PCDHA8: variants seen among roughly 807,000 people sequenced by gnomAD.
PCDHA8 encodes the protein protocadherin alpha 8.
Under a neutral mutation model 61.8 loss-of-function variants are expected in PCDHA8, and 53 were observed. That is an observed-to-expected ratio of 0.86 (90% CI 0.69 to 1.08). The LOEUF is 1.08. PCDHA8 is among the 50% of genes least tolerant of loss of function. The pLI, the probability that PCDHA8 is intolerant of heterozygous loss-of-function variation, is 0.00. For synonymous variants in PCDHA8, 618 were observed against 556.6 expected, an observed-to-expected ratio of 1.11 and a Z score of -1.55; for missense variants, 1,293 against 1,245.0, an observed-to-expected ratio of 1.04 and a Z score of -0.58.
In PCDHA8 at chr5:140,848,069, G is replaced by A. The variant is rs116084528; in HGVS notation, c.2394+4354G>A. 759 of 162,530 alleles carry A rather than the reference G, an allele frequency of 4.7e-3. 42 individuals are homozygous for A. The highest frequency in any genetic ancestry group is 0.017 in the African/African-American group (710 of 41,160). 10.1% of individuals were successfully genotyped at this position (162,530 alleles called of 1,614,324 possible). A position where few individuals can be genotyped will look rare whatever the true frequency, so the allele number is the denominator to read the frequency against. ...TTTTAATTGTTACTTCATTTCTGTC[G>A]TTATTTAAAACTTAAGTGGAGAGTT... On this transcript the variant is annotated intron_variant, in intron 1 of 3. Transcript: ENST00000531613.
chr5:140,942,733 T>C (rs1344147840), intron 1 of PCDHA8, among the ~76,000 whole-genome samples: 1 of 152,184 alleles, frequency 6.6e-6, no homozygotes, highest in Non-Finnish European at 1.5e-5. Context: ...TTGAAAAATA[T>C]TTTAAAATCT....
At chr5:140,902,560 G>A (rs558432897) in intron 1 of PCDHA8, among the ~76,000 whole-genome samples, 1 of 151,954 alleles carries the variant, frequency 6.6e-6, no homozygotes, top group African/African-American at 2.4e-5. Flanking sequence ...CCAGATTTTT[G>A]AGGGTTTTTA....
intron 1 of PCDHA8, chr5:140,969,137 T>A (rs1326685727): frequency 6.2e-7 from 1 of 1,614,036 alleles, no homozygotes. Flanking sequence ...CACCAAGACC[T>A]ACTGCTACAA....
chr5:140,882,777 A>G (rs2059309071), intron 1 of PCDHA8: 1 of 1,614,096 alleles, frequency 6.2e-7, no homozygotes, highest in Non-Finnish European at 8.5e-7. Context: ...GCATTGACCT[A>G]CCGACTGGAT....
At chr5:140,892,896 C>T (rs1489868294) in intron 1 of PCDHA8, among the ~76,000 whole-genome samples, 1 of 152,112 alleles carries the variant, frequency 6.6e-6, no homozygotes, top group Non-Finnish European at 1.5e-5. Flanking sequence ...CCAACCTTTC[C>T]CCATCCTCCT....
chr5:140,923,719 G>A (rs906860011), intron 1 of PCDHA8, among the ~76,000 whole-genome samples: 5 of 152,182 alleles, frequency 3.3e-5, no homozygotes, highest in African/African-American at 1.2e-4. Context: ...GAATAAGAAT[G>A]CAATGTTATG....
chr5:140,919,660 T>C (rs561238136), intron 1 of PCDHA8, among the ~76,000 whole-genome samples: 1 of 152,360 alleles, frequency 6.6e-6, no homozygotes, highest in African/African-American at 2.4e-5. Flanking sequence ...TTACCATATA[T>C]ATTTTAGCTT....
Position 141,011,113 on chromosome 5 carries a change from GAAAC to G in PCDHA8, c.*1179_*1182del, listed in dbSNP as rs1378492452. 6.5e-6 allele frequency: 1 copy of G among 153,504 alleles called. No homozygotes were observed. The highest frequency in any genetic ancestry group is 2.4e-5 in the African/African-American group (1 of 41,342). 9.5% of individuals were successfully genotyped at this position (153,504 alleles called of 1,614,324 possible). A position where few individuals can be genotyped will look rare whatever the true frequency, so the allele number is the denominator to read the frequency against. ...TTCTCTCTCTCTCTCTCTTTTCTAA[GAAAC>G]AATTATGTGCACTTTGATACACAAC... On this transcript the variant is annotated 3_prime_UTR_variant, in exon 4 of 4. Coordinates refer to ENST00000531613, the MANE Select transcript of PCDHA8 (RefSeq NM_018911.3).
Position 140,978,942 on chromosome 5 carries a change from T to C in PCDHA8, c.2395-7T>C, listed in dbSNP as rs781997267. 5 of 1,614,058 alleles carry C rather than the reference T, an allele frequency of 3.1e-6. No individual in the cohort carries two copies. The African/African-American group carries it at 6.7e-5, about 22-fold the overall frequency. ...TTTAACAGAAAACTCTCTTTGTGAT[T>C]TTGCAGCCACGACAGCCCAACCCTG... is the stretch of plus-strand genomic sequence containing the variant. On this transcript the variant is annotated splice_region_variant and splice_polypyrimidine_tract_variant and intron_variant, in intron 1 of 3. Coordinates refer to ENST00000531613, the MANE Select transcript of PCDHA8 (RefSeq NM_018911.3).
At chr5:140,918,584 A>G (rs1296882763) in intron 1 of PCDHA8, among the ~76,000 whole-genome samples, 1 of 152,212 alleles carries the variant, frequency 6.6e-6, no homozygotes, top group Non-Finnish European at 1.5e-5. Context: ...TATTGGCTAT[A>G]TGTTCTATAG....
intron 1 of PCDHA8, chr5:140,854,514 T>G (rs1216926538): frequency 1.3e-5 from 2 of 149,996 alleles, no homozygotes; most frequent in Non-Finnish European, 3.0e-5. Flanking sequence ...AACTGATGGA[T>G]TAAGTGACAC....
intron 1 of PCDHA8, among the ~76,000 whole-genome samples, chr5:140,913,117 G>T (rs1055437222): frequency 1.3e-5 from 2 of 152,144 alleles, no homozygotes; most frequent in Non-Finnish European, 2.9e-5. Flanking sequence ...CAGTTTGGAA[G>T]TTAACCCCTC....
chr5:141,000,615 A>G (rs2097951954), intron 3 of PCDHA8, among the ~76,000 whole-genome samples: 1 of 150,870 alleles, frequency 6.6e-6, no homozygotes, highest in South Asian at 2.1e-4. Context: ...TTTAGTAGAG[A>G]CAGGGTTTCA....
At chr5:140,929,051 G>A (rs1398009156) in intron 1 of PCDHA8, 2 of 1,614,170 alleles carry the variant, frequency 1.2e-6, no homozygotes, top group South Asian at 1.1e-5. Flanking sequence ...AGCTGCTGTC[G>A]CTCTACAGAG....
At chr5:140,882,960 C>G in intron 1 of PCDHA8, 11 of 1,614,166 alleles carry the variant, frequency 6.8e-6, no homozygotes, top group Non-Finnish European at 5.9e-6. Flanking sequence ...CTGCTCATCA[C>G]GATTCTGGAC....
intron 1 of PCDHA8, among the ~76,000 whole-genome samples, chr5:140,897,618 T>C: frequency 6.6e-6 from 1 of 152,172 alleles, no homozygotes; most frequent in Non-Finnish European, 1.5e-5. Flanking sequence ...TTCCAAGTCT[T>C]TACTATTGTG....
intron 1 of PCDHA8, chr5:140,869,076 C>G (rs367613564): frequency 6.3e-7 from 1 of 1,577,934 alleles, no homozygotes; most frequent in South Asian, 1.2e-5. Flanking sequence ...TGTAAAGAAG[C>G]TTATTTTGGA....
At chr5:140,966,264 G>C (rs959228779) in intron 1 of PCDHA8, 3 of 347,414 alleles carry the variant, frequency 8.6e-6, no homozygotes, top group Non-Finnish European at 1.5e-5. Flanking sequence ...GTGGAGACTG[G>C]ATGAACTGGA....
At chr5:140,904,214 C>T (rs2070953663) in intron 1 of PCDHA8, among the ~76,000 whole-genome samples, 1 of 151,882 alleles carries the variant, frequency 6.6e-6, no homozygotes, top group South Asian at 2.1e-4. Flanking sequence ...TCCCCAAAGT[C>T]CATTGTATTA....
Sources: allele counts gnomAD v4.1 joint callset (sites outside exome capture counted in the v4.1 genomes callset), GRCh38; gene constraint gnomAD v4.1.1; transcripts MANE v1.5; gene names NCBI Gene and HGNC (gene_info 2026-07-23, HGNC 2026-07-21).